The following GDPD4 variants were observed in gnomAD, a reference collection of about 807,000 sequenced individuals.
GDPD4 encodes the protein glycerophosphodiester phosphodiesterase domain containing 4, also known as glycerophosphodiester phosphodiesterase 6.
Under a neutral mutation model 67.8 loss-of-function variants are expected in GDPD4, and 60 were observed. That is an observed-to-expected ratio of 0.88 (90% CI 0.72 to 1.10). The LOEUF (loss-of-function observed/expected upper bound fraction) is 1.10, where lower values mean the gene tolerates loss of function less well. Among genes scored for constraint, GDPD4 ranks in the 50% least tolerant of loss-of-function variants. The probability of loss-of-function intolerance (pLI) is 0.00; values close to 1 mark genes in which losing one functional copy is unlikely to be tolerated. For synonymous variants in GDPD4, 212 were observed against 210.9 expected (o/e 1.00, Z -0.04); for missense variants, 623 against 613.9 (o/e 1.01, Z -0.16).
At chr11:77,230,529 T>C (rs1958433367) in intron 14 of GDPD4, among the ~76,000 whole-genome samples, 2 of 152,210 alleles carry the variant, frequency 1.3e-5, no homozygotes, top group South Asian at 4.1e-4. Flanking sequence ...TCAGATTGAT[T>C]GTCCTAATGA....
Position 77,245,455 on chromosome 11 carries a change from T to G in GDPD4, c.912A>C (p.Glu304Asp). 1 of 1,614,036 alleles carries G rather than the reference T, an allele frequency of 6.2e-7. No individual in the cohort carries two copies. Among genetic ancestry groups the G allele is most frequent in the South Asian group, 1.1e-5 (1 of 91,076 alleles). ...NMKPLSEADK[E>D]RARNQSIPTL... ...TTGGAATTGACTGATTTCTTGCTCT[T>G]TCTTTATCTGCCTCTGATAGAGGTT... is the stretch of plus-strand genomic sequence containing the variant. The change falls in exon 12 of 17, where the codon GAA becomes GAC. Residue 304 changes from glutamate to aspartate, a missense_variant. Glu to Asp is a conservative substitution (Grantham distance 45, BLOSUM62 2). Transcript: ENST00000315938.
At chr11:77,294,161 A>C (rs1937873180) in intron 1 of GDPD4, among the ~76,000 whole-genome samples, 2 of 152,218 alleles carry the variant, frequency 1.3e-5, no homozygotes, top group African/African-American at 4.8e-5. Context: ...AAACTGGTGA[A>C]ATCTGAATGA....
intron 1 of GDPD4, among the ~76,000 whole-genome samples, chr11:77,298,444 G>A (rs1190372647): frequency 2.0e-5 from 3 of 152,154 alleles, no homozygotes; most frequent in South Asian, 2.1e-4. Context: ...CCCGGGAGGC[G>A]GAGATTGCAG....
chr11:77,243,915 G>T, intron 12 of GDPD4, 67 bp from the exon 13 acceptor site: 1 of 1,075,598 alleles, frequency 9.3e-7, no homozygotes. Flanking sequence ...GCCCCATAGA[G>T]AATGGAGGGA....
chr11:77,253,190 A>ACTGGACTGACTAGT (rs1958939422), intron 11 of GDPD4, among the ~76,000 whole-genome samples: 1 of 152,178 alleles, frequency 6.6e-6, no homozygotes, highest in Non-Finnish European at 1.5e-5. Context: ...TAGGCAGGGA[A>ACTGGACTGACTAGT]CAGCCCTGGA....
rs1960030714 is a variant in GDPD4 at position 77,287,207 on chromosome 11, TCAG to T, written c.-51+8_-51+10del. The T allele has an allele frequency of 6.6e-6, 1 of 152,226 alleles. No homozygotes were observed. The allele number at this position is 152,226 out of a possible 1,614,324, so 9.4% of individuals were successfully genotyped here. ...TGAGAAAATGTGGTCCAGCTCCTTA[TCAG>T]TCTGTACCCAAGTGCAGCAACAAAA... On this transcript the variant is annotated splice_region_variant and intron_variant, in intron 2 of 16. Coordinates refer to ENST00000315938, the MANE Select transcript of GDPD4 (RefSeq NM_182833.3).
intron 11 of GDPD4, among the ~76,000 whole-genome samples, chr11:77,252,635 C>T (rs2135853033): frequency 6.6e-6 from 1 of 152,272 alleles, no homozygotes; most frequent in East Asian, 1.9e-4. Context: ...GAATAATCAC[C>T]TCTTCTAAAC....
At position 77,258,378 on chromosome 11, in the gene GDPD4, T is replaced by G. The variant is rs1332689475; in HGVS notation, c.864+8A>C. The G allele has an allele frequency of 1.2e-6, 2 of 1,613,738 alleles. No homozygotes were observed. Among genetic ancestry groups the G allele is most frequent in the Non-Finnish European group, 1.7e-6 (2 of 1,179,662 alleles). On this transcript the variant is annotated splice_region_variant and intron_variant, in intron 11 of 16. Transcript: ENST00000315938. The stretch of plus-strand genomic sequence containing the variant: ...TGCAGGTTTGTGGAACTTGGGAATG[T>G]GTCTTACCTCTGGTTTTACAAACCA...
chr11:77,228,004 C>G, intron 15 of GDPD4, 88 bp from the exon 16 acceptor site: 2 of 892,740 alleles, frequency 2.2e-6, no homozygotes, highest in Admixed American at 3.4e-5. Context: ...CTTCTTCCCC[C>G]TTCCATCTTG....
At chr11:77,242,632 A>G (rs1958691662) in intron 13 of GDPD4, among the ~76,000 whole-genome samples, 1 of 152,128 alleles carries the variant, frequency 6.6e-6, no homozygotes, top group South Asian at 2.1e-4. Flanking sequence ...TTTTTCAACT[A>G]CTAGATCAAT....
chr11:77,237,870 G>A (rs376652275), intron 13 of GDPD4, among the ~76,000 whole-genome samples: 6 of 152,276 alleles, frequency 3.9e-5, no homozygotes, highest in East Asian at 3.9e-4. Context: ...GCAGTGAGCC[G>A]AGATCACGCC....
chr11:77,285,541 T>C (rs952663587), intron 2 of GDPD4, among the ~76,000 whole-genome samples: 2 of 152,230 alleles, frequency 1.3e-5, no homozygotes, highest in Non-Finnish European at 2.9e-5. Context: ...TCAAATGTTT[T>C]GTTCAGCAAT....
At chr11:77,269,327 A>G (rs1184570480) in intron 8 of GDPD4, among the ~76,000 whole-genome samples, 1 of 152,186 alleles carries the variant, frequency 6.6e-6, no homozygotes, top group East Asian at 1.9e-4. Flanking sequence ...AGAGGGCTCA[A>G]CTGTACAGGG....
At chr11:77,283,851 A>ATTTTT (rs71272229) in intron 3 of GDPD4, among the ~76,000 whole-genome samples, 7 of 124,542 alleles carry the variant, frequency 5.6e-5, no homozygotes, top group African/African-American at 1.8e-4. Context: ...GACATAATGA[A>ATTTTT]TTTTTTTTTT....
chr11:77,284,991 A>T, intron 3 of GDPD4, 94 bp downstream of exon 3: 1 of 910,466 alleles, frequency 1.1e-6, no homozygotes, highest in Non-Finnish European at 1.8e-6. Context: ...CTTCCCTACT[A>T]TATCACCGGA....
At chr11:77,260,135 C>T (rs564220720) in intron 10 of GDPD4, among the ~76,000 whole-genome samples, 1 of 152,100 alleles carries the variant, frequency 6.6e-6, no homozygotes, top group South Asian at 2.1e-4. Flanking sequence ...AGTGAAACCC[C>T]GTCTCTACTA....
intron 11 of GDPD4, among the ~76,000 whole-genome samples, chr11:77,254,230 G>C (rs1958960215): frequency 6.6e-6 from 1 of 152,148 alleles, no homozygotes; most frequent in African/African-American, 2.4e-5. Context: ...GACCCCAATA[G>C]GGGTCCAAGC....
intron 11 of GDPD4, among the ~76,000 whole-genome samples, chr11:77,255,876 TAAATA>T (rs1170794729): frequency 6.6e-6 from 1 of 151,780 alleles, no homozygotes; most frequent in East Asian, 1.9e-4. Flanking sequence ...CAAAAATAAA[TAAATA>T]AATATAAAAA....
chr11:77,235,615 G>C (rs1003328203), intron 13 of GDPD4, among the ~76,000 whole-genome samples: 1 of 152,216 alleles, frequency 6.6e-6, no homozygotes, highest in Non-Finnish European at 1.5e-5. Flanking sequence ...TAACTAGACA[G>C]CTACAGTTTC....
Sources: allele counts gnomAD v4.1 joint callset (sites outside exome capture counted in the v4.1 genomes callset), GRCh38; gene constraint gnomAD v4.1.1; transcripts MANE v1.5; gene names NCBI Gene and HGNC (gene_info 2026-07-23, HGNC 2026-07-21).